The following GPC6 variants were observed in gnomAD, a reference collection of about 807,000 sequenced individuals.
GPC6 encodes the protein glypican 6.
A neutral mutation model predicts 55.2 loss-of-function variants in GPC6; 14 were observed. The ratio of observed to expected loss-of-function variants is 0.25; its 90% CI spans 0.17 to 0.40. The LOEUF (loss-of-function observed/expected upper bound fraction) is 0.40, where lower values mean the gene tolerates loss of function less well. GPC6 is among the 10% of genes least tolerant of loss of function. The pLI, the probability that GPC6 is intolerant of heterozygous loss-of-function variation, is 1.00. For missense variants in GPC6, 641 were observed against 708.5 expected (o/e 0.90, Z 1.08); for synonymous variants, 278 against 259.6 (o/e 1.07, Z -0.68).
chr13:93,815,631 A>C (rs1886822317), intron 2 of GPC6, among the ~76,000 whole-genome samples: 1 of 152,212 alleles, frequency 6.6e-6, no homozygotes, highest in South Asian at 2.1e-4. Flanking sequence ...TTTTTCTTTG[A>C]GAAGTATCCT....
At chr13:93,981,588 G>T (rs548469226) in intron 3 of GPC6, among the ~76,000 whole-genome samples, 1 of 152,240 alleles carries the variant, frequency 6.6e-6, no homozygotes, top group South Asian at 2.1e-4. Flanking sequence ...GCTGAAACAT[G>T]AGAAAAATCT....
At chr13:93,775,064 G>A (rs4590994) in intron 2 of GPC6, among the ~76,000 whole-genome samples, 146,563 of 152,310 alleles carry the variant, frequency 0.96, 70,549 homozygotes, top group African/African-American at 0.98. Flanking sequence ...ATATATAATA[G>A]AACAGTGATA....
At chr13:93,254,217 C>T (rs1047339235) in intron 1 of GPC6, among the ~76,000 whole-genome samples, 3 of 151,702 alleles carry the variant, frequency 2.0e-5, no homozygotes, top group Non-Finnish European at 2.9e-5. Flanking sequence ...TCCCAGCTAC[C>T]GAAGAGGCTG....
chr13:94,008,927 T>A (rs1882130503), intron 3 of GPC6, among the ~76,000 whole-genome samples: 1 of 152,124 alleles, frequency 6.6e-6, no homozygotes, highest in Non-Finnish European at 1.5e-5. Flanking sequence ...CTTTGAAAAA[T>A]TTAATAACCA....
chr13:94,077,461 TA>T (rs1373477396), intron 4 of GPC6, among the ~76,000 whole-genome samples: 1 of 151,952 alleles, frequency 6.6e-6, no homozygotes, highest in East Asian at 1.9e-4. Context: ...GGAAGCCTTT[TA>T]TTTTTTTTTC....
At chr13:93,897,603 C>T (rs750913427) in intron 3 of GPC6, among the ~76,000 whole-genome samples, 4 of 152,130 alleles carry the variant, frequency 2.6e-5, no homozygotes, top group Admixed American at 6.5e-5. Flanking sequence ...ATATCTTTCA[C>T]TTAAATATTG....
chr13:93,944,992 C>G (rs1310812790), intron 3 of GPC6, among the ~76,000 whole-genome samples: 1 of 152,090 alleles, frequency 6.6e-6, no homozygotes, highest in African/African-American at 2.4e-5. Context: ...AGAACCAAGA[C>G]TAATGTTTTC....
At chr13:94,284,827 A>G (rs556181228) in intron 4 of GPC6, among the ~76,000 whole-genome samples, 1 of 151,914 alleles carries the variant, frequency 6.6e-6, no homozygotes, top group Admixed American at 6.6e-5. Flanking sequence ...ACTGAAATCA[A>G]TCAGTATAAT....
In GPC6 at chr13:93,736,729, C is replaced by T. The variant is rs1366587091; in HGVS notation, c.320-93425C>T. On this transcript the variant is annotated intron_variant, in intron 2 of 8. Transcript: ENST00000377047. ...TTGAAGAAAAATAGTATCATTTGCA[C>T]GGAGATAGAGGATACTGATTAGTGT... Among the ~76,000 whole-genome samples, 21 of 152,066 alleles carry T rather than the reference C, an allele frequency of 1.4e-4. 1 individual carries two copies. Among genetic ancestry groups the T allele is most frequent in the Admixed American group, 1.0e-3 (16 of 15,264 alleles).
chr13:94,105,136 C>T (rs1165156888), intron 4 of GPC6, among the ~76,000 whole-genome samples: 1 of 152,120 alleles, frequency 6.6e-6, no homozygotes, highest in African/African-American at 2.4e-5. Flanking sequence ...AAGAGGATCA[C>T]TTGAGCCCTG....
At chr13:94,165,193 A>G (rs201478233) in intron 4 of GPC6, among the ~76,000 whole-genome samples, 5 of 148,618 alleles carry the variant, frequency 3.4e-5, no homozygotes, top group East Asian at 2.0e-4. Flanking sequence ...TGATATATGT[A>G]TGTGTGTGTG....
At chr13:94,145,344 G>A (rs994856717) in intron 4 of GPC6, among the ~76,000 whole-genome samples, 3 of 152,014 alleles carry the variant, frequency 2.0e-5, no homozygotes, top group Non-Finnish European at 4.4e-5. Context: ...TCAATTTAGG[G>A]TCAAATTATA....
At chr13:93,439,045 A>G (rs905898686) in intron 1 of GPC6, among the ~76,000 whole-genome samples, 19 of 152,208 alleles carry the variant, frequency 1.2e-4, no homozygotes, top group Non-Finnish European at 2.8e-4. Flanking sequence ...ATTTTCTAGC[A>G]GTAAAATATT....
At chr13:93,585,903 G>T (rs542988789) in intron 2 of GPC6, among the ~76,000 whole-genome samples, 4 of 152,192 alleles carry the variant, frequency 2.6e-5, no homozygotes, top group African/African-American at 9.6e-5. Context: ...TCTTAGAGCA[G>T]GCACTGTCTA....
chr13:93,894,268 T>TA (rs1875863632), intron 3 of GPC6, among the ~76,000 whole-genome samples: 1 of 152,230 alleles, frequency 6.6e-6, no homozygotes, highest in Non-Finnish European at 1.5e-5. Context: ...AATCTGTAGT[T>TA]ACTTCAGCCT....
At chr13:93,275,854 G>A (rs1429294624) in intron 1 of GPC6, among the ~76,000 whole-genome samples, 1 of 151,966 alleles carries the variant, frequency 6.6e-6, no homozygotes, top group East Asian at 1.9e-4. Context: ...ATGCAGTTTC[G>A]CCCATAACAG....
intron 4 of GPC6, among the ~76,000 whole-genome samples, chr13:94,206,518 C>G (rs1402661434): frequency 6.6e-6 from 1 of 151,900 alleles, no homozygotes; most frequent in Non-Finnish European, 1.5e-5. Context: ...CCTTGCTAAT[C>G]CTGGAGAGAC....
rs539066145 is a variant in GPC6 at position 93,573,140 on chromosome 13, GA to G, written c.319+27726del. Among the ~76,000 whole-genome samples, 9 of 151,760 alleles carry G rather than the reference GA, an allele frequency of 5.9e-5. No individual in the cohort carries two copies. The South Asian group carries it at 1.9e-3, about 32-fold the overall frequency. ...AGGCACTTGAGATATTTATCAGTGG[GA>G]AAAAAAGACAAAGATCCCTGCTTGG... On this transcript the variant is annotated intron_variant, in intron 2 of 8. Coordinates refer to ENST00000377047, the MANE Select transcript of GPC6 (RefSeq NM_005708.5).
intron 1 of GPC6, among the ~76,000 whole-genome samples, chr13:93,432,834 G>T (rs1467218985): frequency 6.6e-6 from 1 of 152,000 alleles, no homozygotes; most frequent in African/African-American, 2.4e-5. Context: ...TTCTGAGGGT[G>T]AGGACAGCAA....
Sources: gnomAD v4.1 joint callset for allele counts (sites outside exome capture counted in the v4.1 genomes callset) on GRCh38, gnomAD v4.1.1 for gene constraint, MANE v1.5 for transcripts, NCBI Gene and HGNC (gene_info 2026-07-23, HGNC 2026-07-21) for gene names.